The following GPHN variants were observed in gnomAD, a reference collection of about 807,000 sequenced individuals.
The protein encoded by GPHN is gephyrin.
GPHN carries 17 observed loss-of-function variants against 95.5 expected under a neutral mutation model. That is an observed-to-expected ratio of 0.18 (90% confidence interval 0.12 to 0.27). GPHN has a LOEUF of 0.27. GPHN is among the 10% of genes least tolerant of loss of function. The probability of loss-of-function intolerance (pLI) is 1.00; values close to 1 mark genes in which losing one functional copy is unlikely to be tolerated. For synonymous variants in GPHN, 320 were observed against 322.5 expected (o/e 0.99, Z 0.08); for missense variants, 660 against 978.1 (o/e 0.67, Z 4.34).
At chr14:66,687,441 C>G (rs1465957834) in intron 2 of GPHN, among the ~76,000 whole-genome samples, 1 of 150,010 alleles carries the variant, frequency 6.7e-6, no homozygotes, top group African/African-American at 2.5e-5. Flanking sequence ...CTGTTGGTAG[C>G]ATGTTCATTT....
chr14:67,603,996 G>GTTTTTTTTTT, the GPHN span, among the ~76,000 whole-genome samples: 4 of 150,144 alleles, frequency 2.7e-5, no homozygotes, highest in Non-Finnish European at 4.4e-5. Flanking sequence ...CTTGTTTTTT[G>GTTTTTTTTTT]TTTTTGTTTT....
At chr14:67,599,375 T>C in the GPHN span, among the ~76,000 whole-genome samples, 10 of 152,078 alleles carry the variant, frequency 6.6e-5, no homozygotes, top group African/African-American at 2.4e-4. Context: ...ATGTAGAAAA[T>C]TGAGGCTCAG....
the GPHN span, among the ~76,000 whole-genome samples, chr14:67,275,378 C>A: frequency 2.6e-5 from 4 of 152,054 alleles, no homozygotes; most frequent in Non-Finnish European, 5.9e-5. Context: ...TTGAGATAAT[C>A]ATGTGGTTTT....
intron 9 of GPHN, among the ~76,000 whole-genome samples, chr14:66,991,976 A>G (rs1330529793): frequency 6.6e-6 from 1 of 152,066 alleles, no homozygotes; most frequent in Non-Finnish European, 1.5e-5. Flanking sequence ...AAAGAATTTG[A>G]TTAGTTGACG....
Position 67,023,672 on chromosome 14 carries a change from G to A in GPHN, c.1003G>A (p.Ala335Thr). 1 of 1,612,274 alleles carries A rather than the reference G, an allele frequency of 6.2e-7. No homozygotes were observed. Among genetic ancestry groups the A allele is most frequent in the Non-Finnish European group, 8.5e-7 (1 of 1,178,492 alleles). ...RCSSKENILRASHSAVDITKV... is the reference protein window; with the variant it reads ...RCSSKENILRTSHSAVDITKV... ...CAGCAGCAAGGAGAACATTCTCAGA[G>A]CCAGTAAGTATTTTACCATTTCTGG... The change falls in exon 10 of 23, where the codon GCC (alanine) becomes ACC (threonine). Residue 335 changes from alanine to threonine, a missense_variant. Coordinates refer to ENST00000478722, the MANE Select transcript of GPHN (RefSeq NM_020806.5).
chr14:66,528,944 G>C (rs1448158820), intron 1 of GPHN, among the ~76,000 whole-genome samples: 3 of 151,980 alleles, frequency 2.0e-5, no homozygotes, highest in Admixed American at 1.3e-4. Flanking sequence ...ATGTGTCTTG[G>C]GGTTGCTCTT....
the GPHN span, among the ~76,000 whole-genome samples, chr14:67,523,215 C>G: frequency 1.3e-5 from 2 of 151,616 alleles, no homozygotes; most frequent in Admixed American, 6.6e-5. Context: ...CCCAGCTACT[C>G]GGGAGGCTAA....
At chr14:67,087,950 G>C (rs1207880663) in intron 11 of GPHN, among the ~76,000 whole-genome samples, 1 of 151,974 alleles carries the variant, frequency 6.6e-6, no homozygotes, top group Non-Finnish European at 1.5e-5. Flanking sequence ...GAGGATTTCA[G>C]GAATTGGTTA....
chr14:66,859,005 A>C lies in GPHN; in HGVS notation c.295-20934A>C, dbSNP rs79621257. Among the ~76,000 whole-genome samples, 467 of 152,104 alleles carry C rather than the reference A, an allele frequency of 3.1e-3. 10 individuals carry two copies. The highest frequency in any genetic ancestry group is 0.011 in the African/African-American group (442 of 41,496). On this transcript the variant is annotated intron_variant, in intron 4 of 22. Coordinates refer to ENST00000478722, the MANE Select transcript of GPHN (RefSeq NM_020806.5). ...CTTCAGTAAAATAGAACACCAGGTAAATGTCTAAGGTTTTTTTTAATTCCA... is the reference window on the plus strand; with the variant it reads ...CTTCAGTAAAATAGAACACCAGGTACATGTCTAAGGTTTTTTTTAATTCCA...
In GPHN at chr14:67,128,778, T is replaced by C. The variant is rs2079499933; in HGVS notation, c.1748+6401T>C. Among the ~76,000 whole-genome samples, 3 of 150,616 alleles carry C rather than the reference T, an allele frequency of 2.0e-5. No individual in the cohort carries two copies. In the South Asian group the frequency reaches 6.3e-4, roughly 32 times the overall value. On this transcript the variant is annotated intron_variant, in intron 17 of 22. Coordinates refer to ENST00000478722, the MANE Select transcript of GPHN (RefSeq NM_020806.5). ...GGTGAAACGCTGTCTCTACTAAAAA[T>C]ACAAAAATTAGCCGGGCGTGGCGGT...
the GPHN span, among the ~76,000 whole-genome samples, chr14:67,657,528 A>G: frequency 5.9e-5 from 9 of 152,302 alleles, no homozygotes; most frequent in South Asian, 1.9e-3. Context: ...TTGTCAGGCC[A>G]GAATTAACAA....
chr14:67,689,958 G>A, the GPHN span: 1 of 383,238 alleles, frequency 2.6e-6, no homozygotes, highest in Non-Finnish European at 4.9e-6. Flanking sequence ...AAAAAAAAAA[G>A]TTAAGTAACT....
chr14:67,627,548 G>C, the GPHN span, among the ~76,000 whole-genome samples: 31,178 of 151,900 alleles, frequency 0.21, 3,975 homozygotes, highest in African/African-American at 0.36. Context: ...TGGTTGCTAG[G>C]TTGACTCAAC....
the GPHN span, among the ~76,000 whole-genome samples, chr14:67,222,839 G>A: frequency 6.6e-6 from 1 of 151,752 alleles, no homozygotes; most frequent in Admixed American, 6.6e-5. Flanking sequence ...CATTTAACTT[G>A]GCATAAGTGA....
chr14:67,206,469 C>A, the GPHN span, among the ~76,000 whole-genome samples: 1 of 152,000 alleles, frequency 6.6e-6, no homozygotes, highest in Non-Finnish European at 1.5e-5. Flanking sequence ...GCACTCCAGC[C>A]TGGGCAACAG....
In GPHN at chr14:67,062,563, T is replaced by C. The variant is rs182527146; in HGVS notation, c.1144+3777T>C. Among the ~76,000 whole-genome samples, 11 of 152,108 alleles carry C rather than the reference T, an allele frequency of 7.2e-5. No individual in the cohort carries two copies. In the East Asian group the frequency reaches 2.1e-3, roughly 29 times the overall value. On this transcript the variant is annotated intron_variant, in intron 11 of 22. Transcript: ENST00000478722. Reference sequence around the variant, plus strand: ...TAACATGTAGAGAAAATGCTGAAAGTGATTGTTGTGAAGGTCATAGACACA... The same window carrying C: ...TAACATGTAGAGAAAATGCTGAAAGCGATTGTTGTGAAGGTCATAGACACA...
chr14:67,199,966 C>T, the GPHN span: 1 of 1,230,372 alleles, frequency 8.1e-7, no homozygotes, highest in East Asian at 2.5e-5. Context: ...AGGAGTGCCC[C>T]ATCCAGGGAT....
At chr14:67,590,693 G>C in the GPHN span, among the ~76,000 whole-genome samples, 5 of 152,068 alleles carry the variant, frequency 3.3e-5, no homozygotes, top group Non-Finnish European at 5.9e-5. Flanking sequence ...CACATCAAGG[G>C]GTATAAATGA....
chr14:67,182,841 C>CT (rs1247844705), downstream of GPHN, among the ~76,000 whole-genome samples: 24,669 of 120,042 alleles, frequency 0.21, 3,165 homozygotes, highest in Non-Finnish European at 0.25. Context: ...GTTAGTGGGT[C>CT]TTTTTTTTTT....
Sources: allele counts gnomAD v4.1 joint callset (sites outside exome capture counted in the v4.1 genomes callset), GRCh38; gene constraint gnomAD v4.1.1; transcripts MANE v1.5; gene names NCBI Gene and HGNC (gene_info 2026-07-23, HGNC 2026-07-21).